PKHD1: variants seen among roughly 807,000 people sequenced by gnomAD.
PKHD1 encodes the protein PKHD1 ciliary IPT domain containing fibrocystin/polyductin, also known as fibrocystin.
Under a neutral mutation model 412.0 loss-of-function variants are expected in PKHD1, and 291 were observed. The observed-to-expected ratio is 0.71, with a 90% CI of 0.64 to 0.78. The LOEUF (loss-of-function observed/expected upper bound fraction) is 0.78. PKHD1 is among the 30% of genes least tolerant of loss of function. PKHD1 has a pLI of 0.00. For missense variants in PKHD1, 4,825 were observed against 4,950.7 expected (o/e 0.97, Z 0.76); for synonymous variants, 1,777 against 1,821.5 (o/e 0.98, Z 0.62).
chr6:51,956,704 G>A (rs1217472641), intron 36 of PKHD1, among the ~76,000 whole-genome samples: 3 of 152,058 alleles, frequency 2.0e-5, no homozygotes, highest in Non-Finnish European at 4.4e-5. Flanking sequence ...TAGAAATGAT[G>A]GCCAGCAAGT....
At chr6:51,729,692 A>G (rs1783017982) in intron 60 of PKHD1, among the ~76,000 whole-genome samples, 1 of 152,324 alleles carries the variant, frequency 6.6e-6, no homozygotes, top group South Asian at 2.1e-4. Flanking sequence ...CTCTTTCTCC[A>G]CATTTTCCCC....
chr6:52,025,056 A>C lies in PKHD1; in HGVS notation c.4754T>G (p.Leu1585Ter). ...VFHYFPKNFS[L>*]HGGSLLTIEG... ...TATGGTCAAGAGGCTTCCACCATGT[A>C]AGCTGAAATTCTTAGGAAAATAATG... is the stretch of plus-strand genomic sequence containing the variant. Residue 1585 changes from leucine to a stop codon, truncating the protein, a stop_gained, in exon 32 of 67, where the codon TTA becomes TGA. Transcript: ENST00000371117. LOFTEE classifies it high-confidence loss of function. The C allele has an allele frequency of 6.2e-7, 1 of 1,614,168 alleles. No homozygotes were observed. The highest frequency in any genetic ancestry group is 1.1e-5 in the South Asian group (1 of 91,074).
chr6:51,765,987 T>A (rs1008644555), intron 55 of PKHD1, among the ~76,000 whole-genome samples: 2 of 152,158 alleles, frequency 1.3e-5, no homozygotes, highest in Non-Finnish European at 2.9e-5. Context: ...CAACTTCCCA[T>A]AAATGCCTCA....
In PKHD1 at chr6:52,056,919, G is replaced by A; in HGVS notation, c.1573C>T (p.Pro525Ser). The stretch of plus-strand genomic sequence containing the variant: ...TGGGCTGTGGCATTTGCAGGGATTG[G>A]CTGACTAGAGACATTGTCCCAAGTA... ...FLTWDNVSSQ[P>S]IPANATAHLI... Residue 525 changes from proline (P) to serine (S), a missense_variant, in exon 17 of 67, where the codon CCA (proline) becomes TCA (serine). Physicochemically the swap from Pro to Ser is moderately conservative, Grantham distance 74. Coordinates refer to ENST00000371117, the MANE Select transcript of PKHD1 (RefSeq NM_138694.4). 6.2e-7 allele frequency: 1 copy of A among 1,613,758 alleles called. No homozygotes were observed.
intron 37 of PKHD1, among the ~76,000 whole-genome samples, chr6:51,933,626 C>A (rs1356818551): frequency 1.3e-5 from 2 of 152,196 alleles, no homozygotes; most frequent in Non-Finnish European, 2.9e-5. Context: ...AGCACTGCCC[C>A]ATGTCGTCTT....
intron 60 of PKHD1, among the ~76,000 whole-genome samples, chr6:51,741,672 A>G (rs1784574120): frequency 6.6e-6 from 1 of 152,172 alleles, no homozygotes; most frequent in Non-Finnish European, 1.5e-5. Context: ...AGTGGTAACC[A>G]GTTTGATAAC....
At chr6:51,679,631 A>G (rs1776356622) in intron 60 of PKHD1, among the ~76,000 whole-genome samples, 1 of 151,996 alleles carries the variant, frequency 6.6e-6, no homozygotes, top group African/African-American at 2.4e-5. Context: ...GTAGTCAAGA[A>G]TTTCCAAGGA....
chr6:51,818,242 G>A (rs1277803545), intron 52 of PKHD1, among the ~76,000 whole-genome samples: 1 of 152,164 alleles, frequency 6.6e-6, no homozygotes, highest in Non-Finnish European at 1.5e-5. Flanking sequence ...GTCACTTACT[G>A]CTTGCAATTG....
chr6:51,826,992 T>C (rs1767422295), intron 52 of PKHD1, among the ~76,000 whole-genome samples: 1 of 152,180 alleles, frequency 6.6e-6, no homozygotes, highest in South Asian at 2.1e-4. Context: ...GGGAATGTTC[T>C]ACACGTTTCC....
intron 33 of PKHD1, among the ~76,000 whole-genome samples, chr6:52,022,557 A>G (rs1040209680): frequency 7.2e-5 from 11 of 152,182 alleles, no homozygotes; most frequent in African/African-American, 2.7e-4. Context: ...AACACAGGTG[A>G]TAAGTGTTTC....
At chr6:51,711,029 A>T (rs1219263165) in intron 60 of PKHD1, among the ~76,000 whole-genome samples, 1 of 152,176 alleles carries the variant, frequency 6.6e-6, no homozygotes, top group African/African-American at 2.4e-5. Flanking sequence ...TCCATGCAGG[A>T]GGAAGCTAAC....
chr6:51,769,126 T>C (rs1177074842), intron 55 of PKHD1, among the ~76,000 whole-genome samples: 1 of 151,492 alleles, frequency 6.6e-6, no homozygotes, highest in Non-Finnish European at 1.5e-5. Flanking sequence ...TTGGATGTTT[T>C]CTCAGTTTTC....
In PKHD1 at chr6:51,883,152, C is replaced by T; in HGVS notation, c.7291G>A (p.Glu2431Lys). 1 of 1,612,426 alleles carries T rather than the reference C, an allele frequency of 6.2e-7. No individual in the cohort carries two copies. The highest frequency in any genetic ancestry group is 8.5e-7 in the Non-Finnish European group (1 of 1,178,534). ...GTAACTGAAGTATTTGCATCACTTT[C>T]CAAGACGTCAATTCCAAAATCTCTG... is the stretch of plus-strand genomic sequence containing the variant. ...SCRDFGIDVL[E>K]SDANTSVTDS... Residue 2431 changes from glutamate to lysine, a missense_variant, in exon 46 of 67, where the codon GAA becomes AAA. By Grantham distance (56) the Glu-to-Lys change is moderately conservative. Coordinates refer to ENST00000371117, the MANE Select transcript of PKHD1 (RefSeq NM_138694.4).
At chr6:51,757,032 C>A (rs1562243673) in intron 55 of PKHD1, among the ~76,000 whole-genome samples, 1 of 152,020 alleles carries the variant, frequency 6.6e-6, no homozygotes, top group Non-Finnish European at 1.5e-5. Flanking sequence ...ATCTAATGAC[C>A]CCTAATCAGA....
intron 55 of PKHD1, among the ~76,000 whole-genome samples, chr6:51,762,602 T>G (rs1260620144): frequency 6.6e-6 from 1 of 151,916 alleles, no homozygotes; most frequent in Non-Finnish European, 1.5e-5. Flanking sequence ...GCTTATAAAG[T>G]TAACATGAAA....
chr6:52,069,649 T>C, intron 10 of PKHD1, 122 bp from the exon 11 acceptor site: 1 of 788,144 alleles, frequency 1.3e-6, no homozygotes, highest in African/African-American at 1.7e-5. Context: ...ACAGTTGAAA[T>C]AGCAGCTCCC....
intron 35 of PKHD1, among the ~76,000 whole-genome samples, chr6:51,981,664 G>A (rs565204589): frequency 5.5e-4 from 78 of 140,596 alleles, no homozygotes; most frequent in African/African-American, 1.8e-3. Context: ...ATCTCGGCTC[G>A]CTACAGCCTC....
At chr6:52,070,587 A>AAAAC (rs759693568) in intron 9 of PKHD1, 142 bp from the exon 10 acceptor site, 13 of 667,792 alleles carry the variant, frequency 1.9e-5, no homozygotes, top group East Asian at 1.6e-4. Context: ...CCCCCCCGCA[A>AAAAC]AAACAAACAA....
At chr6:52,038,456 G>T (rs1387380288) in intron 27 of PKHD1, among the ~76,000 whole-genome samples, 1 of 151,902 alleles carries the variant, frequency 6.6e-6, no homozygotes, top group Non-Finnish European at 1.5e-5. Context: ...ACCATATGAA[G>T]GTGAAGGCAG....
Sources: allele counts gnomAD v4.1 joint callset (sites outside exome capture counted in the v4.1 genomes callset), GRCh38; gene constraint gnomAD v4.1.1; transcripts MANE v1.5; gene names NCBI Gene and HGNC (gene_info 2026-07-23, HGNC 2026-07-21).